The following ARHGAP24 variants were observed in gnomAD, a reference collection of about 807,000 sequenced individuals.
ARHGAP24 encodes Rho GTPase activating protein 24, also known as rho GTPase-activating protein 24.
A neutral mutation model predicts 76.4 loss-of-function variants in ARHGAP24; 50 were observed. The observed-to-expected ratio is 0.65, with a 90% CI of 0.52 to 0.83. The LOEUF (loss-of-function observed/expected upper bound fraction) is 0.83. Ranked by LOEUF, ARHGAP24 falls within the 40% of genes least tolerant of loss-of-function variation. The pLI is 0.00. For synonymous variants in ARHGAP24, 345 were observed against 323.3 expected, an observed-to-expected ratio of 1.07 and a Z score of -0.72; for missense variants, 930 against 914.2, an observed-to-expected ratio of 1.02 and a Z score of -0.22.
chr4:85,852,474 T>A (rs983999614), intron 3 of ARHGAP24, among the ~76,000 whole-genome samples: 76 of 152,338 alleles, frequency 5.0e-4, no homozygotes, highest in Non-Finnish European at 8.7e-4. Flanking sequence ...TCATTCTCCA[T>A]CCAGCCTTGT....
intron 2 of ARHGAP24, among the ~76,000 whole-genome samples, chr4:85,683,310 G>A (rs865894647): frequency 6.9e-4 from 105 of 152,222 alleles, no homozygotes; most frequent in African/African-American, 2.3e-3. Flanking sequence ...TCTCTCACAC[G>A]TTGTAATGGT....
chr4:85,655,981 T>C (rs1351862878), intron 2 of ARHGAP24, among the ~76,000 whole-genome samples: 1 of 151,980 alleles, frequency 6.6e-6, no homozygotes, highest in Non-Finnish European at 1.5e-5. Context: ...TTTTATTGGG[T>C]TGCTTCCAGT....
intron 2 of ARHGAP24, among the ~76,000 whole-genome samples, chr4:85,703,498 G>A (rs967283854): frequency 6.6e-6 from 1 of 152,086 alleles, no homozygotes; most frequent in Admixed American, 6.6e-5. Context: ...ATTAGAAGGT[G>A]GGAACTTGGG....
At chr4:85,952,773 A>T (rs916643417) in intron 5 of ARHGAP24, among the ~76,000 whole-genome samples, 1 of 152,204 alleles carries the variant, frequency 6.6e-6, no homozygotes, top group African/African-American at 2.4e-5. Flanking sequence ...GGGCGTTCTC[A>T]TTGACCTGAA....
At chr4:85,809,880 G>A (rs775892949) in intron 3 of ARHGAP24, among the ~76,000 whole-genome samples, 2 of 152,096 alleles carry the variant, frequency 1.3e-5, no homozygotes, top group Non-Finnish European at 2.9e-5. Context: ...ATAAACTGGG[G>A]TCTTCCAAAG....
chr4:85,493,842 T>C (rs1723453285), intron 1 of ARHGAP24, among the ~76,000 whole-genome samples: 1 of 152,346 alleles, frequency 6.6e-6, no homozygotes, highest in Non-Finnish European at 1.5e-5. Context: ...TCCATACACA[T>C]AAAGTACTTT....
intron 2 of ARHGAP24, among the ~76,000 whole-genome samples, chr4:85,626,957 T>C (rs1720977682): frequency 6.6e-6 from 1 of 152,190 alleles, no homozygotes. Flanking sequence ...CTGCATTGGT[T>C]ATTCTAGTTA....
chr4:85,848,083 C>G (rs925052966), intron 3 of ARHGAP24, among the ~76,000 whole-genome samples: 7 of 152,128 alleles, frequency 4.6e-5, no homozygotes, highest in African/African-American at 1.4e-4. Context: ...TGAGGCAGTA[C>G]TATTTCTGTA....
At chr4:85,921,285 A>G (rs752729936) in intron 3 of ARHGAP24, among the ~76,000 whole-genome samples, 4 of 152,212 alleles carry the variant, frequency 2.6e-5, no homozygotes, top group Non-Finnish European at 2.9e-5. Context: ...ACAGGAACAG[A>G]AAACCAAATA....
rs146954236 is a variant in ARHGAP24 at position 85,644,173 on chromosome 4, A to G, written c.180+73452A>G. Among the ~76,000 whole-genome samples the G allele has an allele frequency of 2.8e-3, 431 of 152,300 alleles. 2 individuals are homozygous for G. Among genetic ancestry groups the G allele is most frequent in the Non-Finnish European group, 3.0e-3 (206 of 68,022 alleles). Reference sequence around the variant, plus strand: ...TTCTCAACTATAAAACGCTGAAACTAAGAGTACTTACCCGACATATTACTG... The same window carrying G: ...TTCTCAACTATAAAACGCTGAAACTGAGAGTACTTACCCGACATATTACTG... On this transcript the variant is annotated intron_variant, in intron 2 of 9. Transcript: ENST00000395184.
intron 2 of ARHGAP24, among the ~76,000 whole-genome samples, chr4:85,581,636 A>G (rs1578053308): frequency 6.6e-6 from 1 of 152,246 alleles, no homozygotes; most frequent in African/African-American, 2.4e-5. Flanking sequence ...AACATTCATA[A>G]TCTTCTCCAG....
intron 3 of ARHGAP24, among the ~76,000 whole-genome samples, chr4:85,830,363 A>G (rs1369057901): frequency 6.6e-6 from 1 of 152,222 alleles, no homozygotes; most frequent in African/African-American, 2.4e-5. Flanking sequence ...AGTGGCTACC[A>G]GGCAGCAAGG....
At chr4:85,941,136 T>G (rs1338857520) in intron 4 of ARHGAP24, among the ~76,000 whole-genome samples, 1 of 152,226 alleles carries the variant, frequency 6.6e-6, no homozygotes, top group Non-Finnish European at 1.5e-5. Context: ...GAGTCACATC[T>G]GCTTTGGCTG....
chr4:85,661,434 G>C (rs373864571), intron 2 of ARHGAP24, among the ~76,000 whole-genome samples: 18 of 151,892 alleles, frequency 1.2e-4, no homozygotes, highest in African/African-American at 3.9e-4. Context: ...CCATTATTTT[G>C]TTATTCTAGG....
intron 2 of ARHGAP24, among the ~76,000 whole-genome samples, chr4:85,683,107 T>TGG (rs1310671945): frequency 2.1e-3 from 27 of 12,822 alleles, no homozygotes; most frequent in East Asian, 9.9e-3. Flanking sequence ...TCTCTCAGTG[T>TGG]GTGGGGGGGT....
At chr4:85,903,838 A>G (rs1398353818) in intron 3 of ARHGAP24, among the ~76,000 whole-genome samples, 7 of 152,154 alleles carry the variant, frequency 4.6e-5, no homozygotes. Flanking sequence ...ATATTCCATA[A>G]AACACAAGTC....
intron 2 of ARHGAP24, among the ~76,000 whole-genome samples, chr4:85,572,951 A>T (rs1354906303): frequency 7.3e-6 from 1 of 136,802 alleles, no homozygotes; most frequent in Non-Finnish European, 1.5e-5. Context: ...ATCTCGGCTC[A>T]CTGCAACCTC....
chr4:85,834,370 G>T (rs1480737259), intron 3 of ARHGAP24, among the ~76,000 whole-genome samples: 2 of 152,110 alleles, frequency 1.3e-5, no homozygotes, highest in Admixed American at 1.3e-4. Flanking sequence ...AATCATGAAG[G>T]AAAATAGAGA....
chr4:85,648,622 A>G (rs1304268792), intron 2 of ARHGAP24, among the ~76,000 whole-genome samples: 2 of 152,130 alleles, frequency 1.3e-5, no homozygotes, highest in African/African-American at 2.4e-5. Context: ...ATCACAAATC[A>G]TAAACCAAAT....
Sources: gnomAD v4.1 joint callset for allele counts (sites outside exome capture counted in the v4.1 genomes callset) on GRCh38, gnomAD v4.1.1 for gene constraint, MANE v1.5 for transcripts, NCBI Gene and HGNC (gene_info 2026-07-23, HGNC 2026-07-21) for gene names.